FSTL5: variants seen among roughly 807,000 people sequenced by gnomAD.
FSTL5 encodes the protein follistatin-related protein 5.
FSTL5 carries 62 observed loss-of-function variants against 89.1 expected under a neutral mutation model. That is an observed-to-expected ratio of 0.70 (90% CI 0.57 to 0.86). The LOEUF (loss-of-function observed/expected upper bound fraction) is 0.86. Among genes scored for constraint, FSTL5 ranks in the 40% least tolerant of loss-of-function variants. The pLI is 0.00. For missense variants in FSTL5, 1,057 were observed against 1,001.6 expected, an observed-to-expected ratio of 1.06 and a Z score of -0.75; for synonymous variants, 383 against 346.2, an observed-to-expected ratio of 1.11 and a Z score of -1.18.
In FSTL5 at chr4:161,687,296, C is replaced by T. The variant is rs1447642139; in HGVS notation, c.728-30802G>A. The stretch of plus-strand genomic sequence containing the variant: ...AAATGCAATTCACTTAACATATGTG[C>T]TTCAGGATACAGTCCATTGGTGCTC... On this transcript the variant is annotated intron_variant, in intron 6 of 15. Coordinates refer to ENST00000306100, the MANE Select transcript of FSTL5 (RefSeq NM_020116.5). Among the ~76,000 whole-genome samples the T allele has an allele frequency of 2.6e-5, 4 of 152,224 alleles. No homozygotes were observed. The East Asian group carries it at 5.8e-4, about 22-fold the overall frequency.
intron 15 of FSTL5, among the ~76,000 whole-genome samples, chr4:161,393,805 A>T (rs971376175): frequency 1.3e-5 from 2 of 152,170 alleles, no homozygotes; most frequent in African/African-American, 4.8e-5. Flanking sequence ...TGATCTGAGG[A>T]AACCACTGCT....
At position 161,383,936 on chromosome 4, in the gene FSTL5, G is replaced by A. The variant is rs1378613746; in HGVS notation, c.*1811C>T. On this transcript the variant is annotated 3_prime_UTR_variant, in exon 16 of 16. Coordinates refer to ENST00000306100, the MANE Select transcript of FSTL5 (RefSeq NM_020116.5). ...GTTTATTCTCCTTTTATCAAGCAGTGTCTACAGACAGAGCATCCACATGGT... is the reference window on the plus strand; with the variant it reads ...GTTTATTCTCCTTTTATCAAGCAGTATCTACAGACAGAGCATCCACATGGT... 6.6e-6 allele frequency: 1 copy of A among 152,122 alleles called. No homozygotes were observed. The highest frequency in any genetic ancestry group is 2.4e-5 in the African/African-American group (1 of 41,444). 9.4% of individuals were successfully genotyped at this position (152,122 alleles called of 1,614,324 possible). A position where few individuals can be genotyped will look rare whatever the true frequency, so the allele number is the denominator to read the frequency against.
intron 3 of FSTL5, among the ~76,000 whole-genome samples, chr4:161,978,225 T>C (rs1256674620): frequency 6.6e-6 from 1 of 152,188 alleles, no homozygotes; most frequent in African/African-American, 2.4e-5. Context: ...ATATGAAATA[T>C]CCAAATGTAT....
At chr4:161,972,603 G>A (rs946009367) in intron 3 of FSTL5, among the ~76,000 whole-genome samples, 4 of 152,194 alleles carry the variant, frequency 2.6e-5, no homozygotes, top group East Asian at 1.9e-4. Flanking sequence ...TCAGGAAACC[G>A]AATTCTGTCA....
intron 11 of FSTL5, among the ~76,000 whole-genome samples, chr4:161,505,951 CAT>C (rs1310217495): frequency 6.6e-6 from 1 of 152,144 alleles, no homozygotes; most frequent in Non-Finnish European, 1.5e-5. Flanking sequence ...CATTAGAAAG[CAT>C]AGTCTTCCCC....
intron 1 of FSTL5, among the ~76,000 whole-genome samples, chr4:162,140,962 G>T (rs28525305): frequency 0.22 from 33,878 of 151,818 alleles, 4,032 homozygotes; most frequent in East Asian, 0.35. Flanking sequence ...GTAGGGCCTG[G>T]TGGGAGGTGT....
chr4:161,761,155 T>C (rs1013475127), intron 5 of FSTL5, among the ~76,000 whole-genome samples: 1 of 152,224 alleles, frequency 6.6e-6, no homozygotes, highest in African/African-American at 2.4e-5. Flanking sequence ...CTGACCCATA[T>C]AAATAGAAAT....
At chr4:161,765,771 A>G (rs1740971140) in intron 5 of FSTL5, among the ~76,000 whole-genome samples, 2 of 152,002 alleles carry the variant, frequency 1.3e-5, no homozygotes, top group South Asian at 4.1e-4. Flanking sequence ...ATATGTTTAT[A>G]TAAGGGAAGT....
At chr4:161,745,474 G>A (rs1740166744) in intron 6 of FSTL5, among the ~76,000 whole-genome samples, 1 of 151,962 alleles carries the variant, frequency 6.6e-6, no homozygotes, top group African/African-American at 2.4e-5. Flanking sequence ...TAACAACAGT[G>A]CAATATATAG....
intron 6 of FSTL5, among the ~76,000 whole-genome samples, chr4:161,674,583 A>T (rs1355886185): frequency 6.6e-6 from 1 of 152,146 alleles, no homozygotes; most frequent in Admixed American, 6.6e-5. Context: ...CGTATTTTGG[A>T]TGTTCTCCAG....
At chr4:161,426,927 A>G (rs1035328853) in intron 15 of FSTL5, among the ~76,000 whole-genome samples, 20 of 152,238 alleles carry the variant, frequency 1.3e-4, no homozygotes, top group African/African-American at 4.6e-4. Context: ...TATAAATTAC[A>G]TCAATACTAT....
intron 6 of FSTL5, among the ~76,000 whole-genome samples, chr4:161,735,312 T>A (rs1739772581): frequency 6.6e-6 from 1 of 152,130 alleles, no homozygotes; most frequent in South Asian, 2.1e-4. Flanking sequence ...ACATTCAGTG[T>A]CTGACTATCC....
intron 10 of FSTL5, among the ~76,000 whole-genome samples, chr4:161,530,183 T>C (rs1038226363): frequency 1.4e-5 from 2 of 142,682 alleles, no homozygotes; most frequent in Non-Finnish European, 3.1e-5. Flanking sequence ...CATACGATCT[T>C]TATAGGTAAA....
intron 8 of FSTL5, among the ~76,000 whole-genome samples, chr4:161,566,383 A>T (rs761312803): frequency 6.6e-6 from 1 of 151,950 alleles, no homozygotes; most frequent in African/African-American, 2.4e-5. Context: ...TTGATTCCAC[A>T]TCTTTACTAT....
intron 7 of FSTL5, among the ~76,000 whole-genome samples, chr4:161,592,164 G>A (rs1033071853): frequency 6.6e-6 from 1 of 152,142 alleles, no homozygotes; most frequent in African/African-American, 2.4e-5. Context: ...TGAAGTTTGA[G>A]TCAAAAGACA....
chr4:161,901,949 A>C (rs978875465), intron 4 of FSTL5, among the ~76,000 whole-genome samples: 2 of 152,192 alleles, frequency 1.3e-5, no homozygotes, highest in Non-Finnish European at 2.9e-5. Flanking sequence ...AAATAAATAA[A>C]TAATACAAAA....
chr4:161,773,805 G>C (rs943523445), intron 5 of FSTL5, among the ~76,000 whole-genome samples: 1 of 152,156 alleles, frequency 6.6e-6, no homozygotes, highest in Non-Finnish European at 1.5e-5. Flanking sequence ...ACTAAAAATA[G>C]AACTACCATT....
chr4:161,927,365 T>TC (rs910436420), intron 3 of FSTL5, among the ~76,000 whole-genome samples: 4 of 151,578 alleles, frequency 2.6e-5, no homozygotes, highest in African/African-American at 9.7e-5. Flanking sequence ...AAGGCATTTT[T>TC]TGCAATGATT....
At position 161,662,769 on chromosome 4, in the gene FSTL5, C is replaced by G. The variant is rs150925146; in HGVS notation, c.728-6275G>C. ...TTGAAGAAGCACATCAAATTTCAAGCAAAGCGAACAAAAAACTAGGCTAAT... is the reference window on the plus strand; with the variant it reads ...TTGAAGAAGCACATCAAATTTCAAGGAAAGCGAACAAAAAACTAGGCTAAT... On this transcript the variant is annotated intron_variant, in intron 6 of 15. Transcript: ENST00000306100. 6.0e-3 allele frequency among the ~76,000 whole-genome samples: 914 copies of G among 152,212 alleles called. 9 individuals carry two copies. Among genetic ancestry groups the G allele is most frequent in the South Asian group, 0.045 (219 of 4,822 alleles).
Sources: allele counts gnomAD v4.1 joint callset (sites outside exome capture counted in the v4.1 genomes callset), GRCh38; gene constraint gnomAD v4.1.1; transcripts MANE v1.5; gene names NCBI Gene and HGNC (gene_info 2026-07-23, HGNC 2026-07-21).